The following TXK variants were observed in gnomAD, a reference collection of about 807,000 sequenced individuals.
TXK encodes tyrosine-protein kinase TXK.
In TXK, 60 loss-of-function variants were observed where a neutral mutation model predicts 81.0. That is an observed-to-expected ratio of 0.74 (90% CI 0.60 to 0.92). TXK has a LOEUF of 0.92. Ranked by LOEUF, TXK falls within the 40% of genes least tolerant of loss-of-function variation. The pLI is 0.00. For missense variants in TXK, 581 were observed against 638.3 expected (o/e 0.91, Z 0.97); for synonymous variants, 203 against 210.7 (o/e 0.96, Z 0.32).
chr4:48,122,391 T>C (rs530806829), intron 1 of TXK, among the ~76,000 whole-genome samples: 4 of 152,160 alleles, frequency 2.6e-5, no homozygotes, highest in Non-Finnish European at 4.4e-5. Flanking sequence ...CCTCCTTTCT[T>C]AACTCCCTCC....
chr4:48,129,889 T>C (rs1239943993), intron 1 of TXK, among the ~76,000 whole-genome samples: 2 of 152,152 alleles, frequency 1.3e-5, no homozygotes, highest in East Asian at 3.9e-4. Flanking sequence ...CGAGCCAGCT[T>C]GTGATGTGAA....
chr4:48,124,119 C>T (rs1719025202), intron 1 of TXK, among the ~76,000 whole-genome samples: 1 of 152,146 alleles, frequency 6.6e-6, no homozygotes, highest in African/African-American at 2.4e-5. Flanking sequence ...TCTGTGTAGG[C>T]TTCATCTCTC....
At chr4:48,085,940 A>G (rs1186794831) in intron 10 of TXK, among the ~76,000 whole-genome samples, 4 of 152,188 alleles carry the variant, frequency 2.6e-5, no homozygotes, top group Non-Finnish European at 4.4e-5. Flanking sequence ...CCCAGGTATC[A>G]AGAGGGCAGG....
At chr4:48,082,697 T>A (rs1024521202) in intron 10 of TXK, among the ~76,000 whole-genome samples, 2 of 152,152 alleles carry the variant, frequency 1.3e-5, no homozygotes, top group East Asian at 3.9e-4. Context: ...AAGTTGCTTT[T>A]TGGCCCACCA....
chr4:48,114,009 A>G (rs1419454055), intron 2 of TXK, among the ~76,000 whole-genome samples: 1 of 152,210 alleles, frequency 6.6e-6, no homozygotes, highest in Non-Finnish European at 1.5e-5. Flanking sequence ...GGGGAGATAG[A>G]TAACTAAGAT....
intron 1 of TXK, among the ~76,000 whole-genome samples, chr4:48,126,756 G>A (rs1172444816): frequency 6.6e-6 from 1 of 152,076 alleles, no homozygotes; most frequent in East Asian, 1.9e-4. Flanking sequence ...CCCCTCTTTG[G>A]CCTCCCAAAC....
chr4:48,090,922 A>G (rs1717740817), intron 8 of TXK, among the ~76,000 whole-genome samples: 1 of 152,274 alleles, frequency 6.6e-6, no homozygotes, highest in Admixed American at 6.5e-5. Context: ...ATGCTGGAAG[A>G]CAGAAACGAG....
intron 14 of TXK, among the ~76,000 whole-genome samples, chr4:48,069,575 C>G (rs1057455208): frequency 6.6e-6 from 1 of 152,068 alleles, no homozygotes; most frequent in Non-Finnish European, 1.5e-5. Flanking sequence ...ATTCGCCCAC[C>G]TCAGCCTCCC....
chr4:48,086,641 A>G lies in TXK; in HGVS notation c.785-4T>C. ...GATGGATCTATCTCCCACTTTTCTGAAAAAGTAAAACATCCATGTTACAAG... is the reference window on the plus strand; with the variant it reads ...GATGGATCTATCTCCCACTTTTCTGGAAAAGTAAAACATCCATGTTACAAG... On this transcript the variant is annotated splice_region_variant and splice_polypyrimidine_tract_variant and intron_variant, in intron 9 of 14. Coordinates refer to ENST00000264316, the MANE Select transcript of TXK (RefSeq NM_003328.3). 6.2e-7 allele frequency: 1 copy of G among 1,612,678 alleles called. No homozygotes were observed. The highest frequency in any genetic ancestry group is 8.5e-7 in the Non-Finnish European group (1 of 1,179,114).
At position 48,067,584 on chromosome 4, in the gene TXK, C is replaced by T. The variant is rs76949920; in HGVS notation, c.*53G>A. Reference sequence around the variant, plus strand: ...TGACCCCATATGGTGAAGATATTCACAATAAATGACAGTTTTGCAAGATGA... The same window carrying T: ...TGACCCCATATGGTGAAGATATTCATAATAAATGACAGTTTTGCAAGATGA... On this transcript the variant is annotated 3_prime_UTR_variant, in exon 15 of 15. Coordinates refer to ENST00000264316, the MANE Select transcript of TXK (RefSeq NM_003328.3). 3.2e-6 allele frequency: 5 copies of T among 1,567,750 alleles called. No individual in the cohort carries two copies. The highest frequency in any genetic ancestry group is 4.4e-6 in the Non-Finnish European group (5 of 1,137,688).
chr4:48,100,976 A>T (rs1195249694), intron 6 of TXK, among the ~76,000 whole-genome samples: 1 of 152,058 alleles, frequency 6.6e-6, no homozygotes, highest in African/African-American at 2.4e-5. Flanking sequence ...AGTAACAACA[A>T]GAAAATATAT....
At chr4:48,082,984 T>TTG (rs1717369306) in intron 10 of TXK, among the ~76,000 whole-genome samples, 1 of 152,114 alleles carries the variant, frequency 6.6e-6, no homozygotes, top group Non-Finnish European at 1.5e-5. Context: ...TCCTTCAAGT[T>TTG]TGTGTGTGAC....
chr4:48,094,927 TCTTTA>T (rs1395680073), intron 7 of TXK, among the ~76,000 whole-genome samples: 1 of 152,172 alleles, frequency 6.6e-6, no homozygotes, highest in African/African-American at 2.4e-5. Context: ...AATCTCCCCC[TCTTTA>T]CTTTATGGTT....
rs1716863946 is a variant in TXK, at chr4:48,071,647, T to C, written c.1385A>G (p.Glu462Gly). Reference protein sequence around the residue: ...FGVLMWEVFTEGKMPFENKSN... With the variant: ...FGVLMWEVFTGGKMPFENKSN... The stretch of plus-strand genomic sequence containing the variant: ...CTTATTTTCAAAAGGCATTTTTCCT[T>C]CTGTAAAAACTTCCCACATTAAAAC... The change falls in exon 14 of 15, where the codon GAA becomes GGA. Residue 462 changes from glutamate to glycine, a missense_variant. By Grantham distance (98) the Glu-to-Gly change is moderately conservative. Transcript: ENST00000264316. 2 of 1,614,028 alleles carry C rather than the reference T, an allele frequency of 1.2e-6. No individual in the cohort carries two copies. The highest frequency in any genetic ancestry group is 1.3e-5 in the African/African-American group (1 of 74,918).
At position 48,069,808 on chromosome 4, in the gene TXK, T is replaced by TAC. The variant is rs1349391059; in HGVS notation, c.1515+1707_1515+1708dup. On this transcript the variant is annotated intron_variant, in intron 14 of 14. Transcript: ENST00000264316. ...TATAACATCTCAATAAGCATTATAT[T>TAC]ACACACACACGTGTGTATTATTTCA... Among the ~76,000 whole-genome samples, 4 of 152,308 alleles carry TAC rather than the reference T, an allele frequency of 2.6e-5. No homozygotes were observed. The East Asian group carries it at 7.7e-4, about 29-fold the overall frequency.
chr4:48,089,797 A>G lies in TXK; in HGVS notation c.737T>C (p.Val246Ala). ...AGLMTRLRYP[V>A]GLMGSCLPAT... ...TGGTAAACAACTGCCCATCAGCCCA[A>G]CTGGATATCGGAGACGAGTCATGAG... The change falls in exon 9 of 15, where the codon GTT (valine) becomes GCT (alanine). Residue 246 changes from valine to alanine, a missense_variant. Physicochemically the swap from Val to Ala is moderately conservative, Grantham distance 64. Transcript: ENST00000264316. The G allele has an allele frequency of 4.3e-6, 7 of 1,613,620 alleles. No homozygotes were observed. Among genetic ancestry groups the G allele is most frequent in the South Asian group, 1.1e-5 (1 of 91,068 alleles).
chr4:48,077,636 G>A (rs1239212846), intron 11 of TXK, among the ~76,000 whole-genome samples: 4 of 152,046 alleles, frequency 2.6e-5, no homozygotes, highest in Non-Finnish European at 5.9e-5. Context: ...AGGAAAGTGA[G>A]CTAGGTGGAG....
rs187257367 is a variant in TXK, at chr4:48,115,209, C to T, written c.17-807G>A. ...ATGCTCTCCCTCCCCTTGCCCTCCACCCCACAACAGGCCCTGGTGTGTGAT... is the reference window on the plus strand; with the variant it reads ...ATGCTCTCCCTCCCCTTGCCCTCCATCCCACAACAGGCCCTGGTGTGTGAT... On this transcript the variant is annotated intron_variant, in intron 1 of 14. Coordinates refer to ENST00000264316, the MANE Select transcript of TXK (RefSeq NM_003328.3). Among the ~76,000 whole-genome samples the T allele has an allele frequency of 1.1e-4, 16 of 152,178 alleles. No individual in the cohort carries two copies. In the East Asian group the frequency reaches 3.1e-3, roughly 29 times the overall value.
chr4:48,096,526 C>T (rs1432576130), intron 6 of TXK, among the ~76,000 whole-genome samples: 1 of 152,104 alleles, frequency 6.6e-6, no homozygotes, highest in Non-Finnish European at 1.5e-5. Flanking sequence ...CTCTTTCTTT[C>T]TTTTATTTTT....
Sources: allele counts gnomAD v4.1 joint callset (sites outside exome capture counted in the v4.1 genomes callset), GRCh38; gene constraint gnomAD v4.1.1; transcripts MANE v1.5; gene names NCBI Gene and HGNC (gene_info 2026-07-23, HGNC 2026-07-21).